The following THUMPD3 variants were observed in gnomAD, a reference collection of about 807,000 sequenced individuals.
THUMPD3 encodes tRNA (guanine(6)-N(2))-methyltransferase THUMP3.
A neutral mutation model predicts 54.5 loss-of-function variants in THUMPD3; 44 were observed. The observed-to-expected ratio is 0.81, with a 90% CI of 0.63 to 1.04. The LOEUF (loss-of-function observed/expected upper bound fraction) is 1.04, where lower values mean the gene tolerates loss of function less well. Among genes scored for constraint, THUMPD3 ranks in the 50% least tolerant of loss-of-function variants. The pLI is 0.00. For missense variants in THUMPD3, 604 were observed against 601.3 expected (o/e 1.00, Z -0.05); for synonymous variants, 196 against 201.4 (o/e 0.97, Z 0.23).
intron 6 of THUMPD3, among the ~76,000 whole-genome samples, chr3:9,378,947 C>T (rs2032672787): frequency 1.3e-5 from 2 of 151,558 alleles, no homozygotes; most frequent in African/African-American, 2.4e-5. Context: ...AACAGAGCTC[C>T]GAGTAAAAAT....
Position 9,365,335 on chromosome 3 carries a change from A to G in THUMPD3, c.252+15A>G, listed in dbSNP as rs2031454029. 1.2e-6 allele frequency: 2 copies of G among 1,612,010 alleles called. No homozygotes were observed. Among genetic ancestry groups the G allele is most frequent in the Non-Finnish European group, 1.7e-6 (2 of 1,178,626 alleles). ...GTCTGGCACAGGTTTGAATGGAGCA[A>G]TATTTAAAATAGTTTTCTAAGTTGA... On this transcript the variant is annotated intron_variant, in intron 2 of 9. Transcript: ENST00000452837.
chr3:9,382,414 T>G (rs1241359961), intron 7 of THUMPD3, among the ~76,000 whole-genome samples: 2 of 152,172 alleles, frequency 1.3e-5, no homozygotes, highest in African/African-American at 4.8e-5. Context: ...TTTTTTATCT[T>G]AACTTTTTTC....
chr3:9,365,677 C>T (rs937767827), intron 2 of THUMPD3, among the ~76,000 whole-genome samples: 3 of 151,900 alleles, frequency 2.0e-5, no homozygotes, highest in Admixed American at 6.6e-5. Flanking sequence ...CTGCAACCTC[C>T]GCCTCCCAGG....
intron 3 of THUMPD3, 23 bp downstream of exon 3, chr3:9,367,008 G>C: frequency 1.9e-6 from 3 of 1,582,948 alleles, no homozygotes; most frequent in Non-Finnish European, 2.6e-6. Context: ...AAACATGGTG[G>C]CTGATTTTTG....
At chr3:9,368,808 G>A (rs916917941) in intron 3 of THUMPD3, among the ~76,000 whole-genome samples, 2 of 152,206 alleles carry the variant, frequency 1.3e-5, no homozygotes, top group Non-Finnish European at 2.9e-5. Context: ...CTCATGCTAT[G>A]CAGCTCCCTC....
At chr3:9,372,422 A>C (rs1011756978) in intron 4 of THUMPD3, among the ~76,000 whole-genome samples, 4 of 152,106 alleles carry the variant, frequency 2.6e-5, no homozygotes, top group Non-Finnish European at 5.9e-5. Context: ...TCTACTAAAA[A>C]TACAAAAATT....
At position 9,380,494 on chromosome 3, in the gene THUMPD3, A is replaced by C; in HGVS notation, c.1009-9A>C. Reference sequence around the variant, plus strand: ...TACTTTTGTTTTAACATACACTCTTATCTTTTAGGGGGCCACTGAATGGTC... The same window carrying C: ...TACTTTTGTTTTAACATACACTCTTCTCTTTTAGGGGGCCACTGAATGGTC... On this transcript the variant is annotated splice_polypyrimidine_tract_variant and intron_variant, in intron 6 of 9. Coordinates refer to ENST00000452837, the MANE Select transcript of THUMPD3 (RefSeq NM_001114092.2). 6.3e-7 allele frequency: 1 copy of C among 1,577,460 alleles called. No individual in the cohort carries two copies. Among genetic ancestry groups the C allele is most frequent in the African/African-American group, 1.4e-5 (1 of 73,980 alleles).
intron 3 of THUMPD3, among the ~76,000 whole-genome samples, chr3:9,370,494 G>A (rs879492068): frequency 9.2e-5 from 14 of 152,196 alleles, no homozygotes; most frequent in Admixed American, 8.5e-4. Context: ...GTCTAAGCTG[G>A]AGTGCATTGG....
Position 9,385,433 on chromosome 3 carries a change from G to T in THUMPD3, c.*745G>T, listed in dbSNP as rs1413932397. The T allele has an allele frequency of 6.6e-6, 1 of 152,194 alleles. No individual in the cohort carries two copies. Among genetic ancestry groups the T allele is most frequent in the African/African-American group, 2.4e-5 (1 of 41,456 alleles). The allele number at this position is 152,194 out of a possible 1,614,324, so 9.4% of individuals were successfully genotyped here. On this transcript the variant is annotated 3_prime_UTR_variant, in exon 10 of 10. Transcript: ENST00000452837. ...TTGCTCAAGTTCTTTACCTCAACCTGAAGGAATGAAGCATTATTACATTTT... is the reference window on the plus strand; with the variant it reads ...TTGCTCAAGTTCTTTACCTCAACCTTAAGGAATGAAGCATTATTACATTTT...
At chr3:9,366,541 A>G (rs1411074363) in intron 2 of THUMPD3, among the ~76,000 whole-genome samples, 1 of 152,252 alleles carries the variant, frequency 6.6e-6, no homozygotes, top group East Asian at 1.9e-4. Flanking sequence ...TAGTAATCAC[A>G]GAACTGGAGC....
chr3:9,380,586 A>G lies in THUMPD3; in HGVS notation c.1092A>G (p.Ala364=), dbSNP rs2032807983. 3 of 1,613,384 alleles carry G rather than the reference A, an allele frequency of 1.9e-6. No homozygotes were observed. The highest frequency in any genetic ancestry group is 1.3e-5 in the African/African-American group (1 of 74,904). The change falls in exon 7 of 10, where the codon GCA becomes GCG. Residue 364 remains alanine (A), a synonymous_variant. Coordinates refer to ENST00000452837, the MANE Select transcript of THUMPD3 (RefSeq NM_001114092.2). ...TGAATAGAGCAGCAAATAACATTGC[A>G]TCTTTATTGACCAAGAGCCAAATTA... ...LAVNRAANNI[A]SLLTKSQIKE... is the part of the protein sequence containing the mutation.
At position 9,365,539 on chromosome 3, in the gene THUMPD3, G is replaced by A. The variant is rs1301227856; in HGVS notation, c.252+219G>A. On this transcript the variant is annotated intron_variant, in intron 2 of 9. Transcript: ENST00000452837. The stretch of plus-strand genomic sequence containing the variant: ...AAAAGTGTTTCAGATTTTTGGAGGG[G>A]GGTGGGGGGAGTTTTGGAATATTTG... Among the ~76,000 whole-genome samples, 3 of 151,550 alleles carry A rather than the reference G, an allele frequency of 2.0e-5. No individual in the cohort carries two copies. The East Asian group carries it at 5.8e-4, about 29-fold the overall frequency.
chr3:9,383,793 T>C (rs561882707), intron 8 of THUMPD3, among the ~76,000 whole-genome samples: 1 of 152,244 alleles, frequency 6.6e-6, no homozygotes, highest in South Asian at 2.1e-4. Flanking sequence ...CCAGCTTATT[T>C]TTGTATTTTT....
In THUMPD3 at chr3:9,365,186, A is replaced by G. The variant is rs747290566; in HGVS notation, c.118A>G (p.Ile40Val). Reference sequence around the variant, plus strand: ...AAGTGAATCTGAGCTTCTAGTCACTATTGGAGCCACTGTACCTACTGGCTT... The same window carrying G: ...AAGTGAATCTGAGCTTCTAGTCACTGTTGGAGCCACTGTACCTACTGGCTT... ...LGSESELLVT[I>V]GATVPTGFEQ... The change falls in exon 2 of 10, where the codon ATT becomes GTT. Residue 40 changes from isoleucine (I) to valine (V), a missense_variant. Physicochemically the swap from Ile to Val is conservative, Grantham distance 29. Transcript: ENST00000452837. The G allele has an allele frequency of 6.8e-6, 11 of 1,614,184 alleles. No homozygotes were observed. Among genetic ancestry groups the G allele is most frequent in the Middle Eastern group, 3.3e-4 (2 of 6,062 alleles).
chr3:9,380,223 G>A (rs992359672), intron 6 of THUMPD3, among the ~76,000 whole-genome samples: 38 of 152,226 alleles, frequency 2.5e-4, no homozygotes, highest in African/African-American at 8.9e-4. Context: ...GCAGAGGTAC[G>A]TACATACAAA....
intron 8 of THUMPD3, 40 bp from the exon 9 acceptor site, chr3:9,384,172 T>A (rs923527944): frequency 6.9e-6 from 11 of 1,601,598 alleles, no homozygotes; most frequent in Admixed American, 5.3e-5. Flanking sequence ...CTATTTTGTA[T>A]CTTTTGCAAG....
rs1194821510 is a variant in THUMPD3 at position 9,386,521 on chromosome 3, C to T, written c.*1833C>T. 2.0e-5 allele frequency: 3 copies of T among 152,018 alleles called. No homozygotes were observed. The highest frequency in any genetic ancestry group is 2.9e-5 in the Non-Finnish European group (2 of 67,998). 9.4% of individuals were successfully genotyped at this position (152,018 alleles called of 1,614,324 possible). On this transcript the variant is annotated 3_prime_UTR_variant, in exon 10 of 10. Transcript: ENST00000452837. Reference sequence around the variant, plus strand: ...TACTTGATTCATCATAGCTTTAATTCTATTACATACTACAATAAAAATTTG... The same window carrying T: ...TACTTGATTCATCATAGCTTTAATTTTATTACATACTACAATAAAAATTTG...
rs141118089 is a variant in THUMPD3, at chr3:9,380,358, C to T, written c.1009-145C>T. The stretch of plus-strand genomic sequence containing the variant: ...AGCAAGCAGAGAAAGAATAAGAGGG[C>T]ATTTTCAGCCAGGGAAATAGCACAG... On this transcript the variant is annotated intron_variant, in intron 6 of 9. Transcript: ENST00000452837. The T allele has an allele frequency of 5.9e-5, 35 of 590,106 alleles. No individual in the cohort carries two copies. In the East Asian group the frequency reaches 1.0e-3, roughly 17 times the overall value. 36.6% of individuals were successfully genotyped at this position (590,106 alleles called of 1,614,324 possible).
At position 9,363,113 on chromosome 3, in the gene THUMPD3, C is replaced by G. The variant is rs1169412047; in HGVS notation, c.-68C>G. On this transcript the variant is annotated 5_prime_UTR_variant, in exon 1 of 10. Coordinates refer to ENST00000452837, the MANE Select transcript of THUMPD3 (RefSeq NM_001114092.2). ...AATGGAGTGTGGGAGCTGAAAGGGT[C>G]TTCGCTGGCGGCCGGTAACTGGCGG... is the stretch of plus-strand genomic sequence containing the variant. 1 of 152,504 alleles carries G rather than the reference C, an allele frequency of 6.6e-6. No individual in the cohort carries two copies. The highest frequency in any genetic ancestry group is 1.9e-4 in the East Asian group (1 of 5,198). 9.4% of individuals were successfully genotyped at this position (152,504 alleles called of 1,614,324 possible).
Sources: allele counts gnomAD v4.1 joint callset (sites outside exome capture counted in the v4.1 genomes callset), GRCh38; gene constraint gnomAD v4.1.1; transcripts MANE v1.5; gene names NCBI Gene and HGNC (gene_info 2026-07-23, HGNC 2026-07-21).